The following RNF135 variants were observed in gnomAD, a reference collection of about 807,000 sequenced individuals.
RNF135 encodes the protein ring finger protein 135, also known as E3 ubiquitin-protein ligase RNF135.
Under a neutral mutation model 41.9 loss-of-function variants are expected in RNF135, and 46 were observed. That is an observed-to-expected ratio of 1.10 (90% CI 0.87 to 1.40). RNF135 has a LOEUF of 1.40. RNF135 is among the 40% of genes most tolerant of loss of function. The probability of loss-of-function intolerance (pLI) is 0.00; values close to 1 mark genes in which losing one functional copy is unlikely to be tolerated. For missense variants in RNF135, 539 were observed against 549.8 expected (o/e 0.98, Z 0.20); for synonymous variants, 238 against 223.8 (o/e 1.06, Z -0.57).
At chr17:30,971,493 C>A in intron 1 of RNF135, 48 bp downstream of exon 1, 1 of 1,441,480 alleles carries the variant, frequency 6.9e-7, no homozygotes, top group Non-Finnish European at 9.0e-7. Flanking sequence ...GGGCTGCCCG[C>A]CGCCTGACCC....
At chr17:30,997,771 G>A (rs1223659488) in intron 4 of RNF135, among the ~76,000 whole-genome samples, 1 of 152,148 alleles carries the variant, frequency 6.6e-6, no homozygotes, top group Non-Finnish European at 1.5e-5. Context: ...GTGATCTTGG[G>A]CAAGTCACTT....
intron 3 of RNF135, among the ~76,000 whole-genome samples, chr17:30,994,499 G>A (rs1346957999): frequency 6.6e-6 from 1 of 151,992 alleles, no homozygotes. Context: ...GCAGTGAGCC[G>A]AAATCAGGCC....
At chr17:30,997,188 TC>T in intron 3 of RNF135, 53 bp from the exon 4 acceptor site, 1 of 1,374,978 alleles carries the variant, frequency 7.3e-7, no homozygotes, top group Non-Finnish European at 1.0e-6. Flanking sequence ...TTGGAGACCT[TC>T]AGTTTGCCTT....
rs1478168961 is a variant in RNF135 at position 30,998,779 on chromosome 17, G to A, written c.887G>A (p.Arg296Lys). 1.2e-6 allele frequency: 2 copies of A among 1,613,172 alleles called. No homozygotes were observed. The highest frequency in any genetic ancestry group is 1.7e-6 in the Non-Finnish European group (2 of 1,179,726). ...RPQPYRWSCERFSTSQVLCSQ... is the reference protein window; with the variant it reads ...RPQPYRWSCEKFSTSQVLCSQ... Reference sequence around the variant, plus strand: ...CAACCCTATCGCTGGAGCTGTGAGAGGTTTTCTACCAGCCAGGTCTTATGT... The same window carrying A: ...CAACCCTATCGCTGGAGCTGTGAGAAGTTTTCTACCAGCCAGGTCTTATGT... The change falls in exon 5 of 5, where the codon AGG (arginine) becomes AAG (lysine). Residue 296 changes from arginine to lysine, a missense_variant. Physicochemically the swap from Arg to Lys is conservative, Grantham distance 26. This residue lies in a region of RNF135 where 262 missense variants were observed against 336.9 expected (regional missense o/e 0.78). Coordinates refer to ENST00000328381, the MANE Select transcript of RNF135 (RefSeq NM_032322.4).
chr17:30,988,075 C>T lies in RNF135; in HGVS notation c.648C>T (p.Thr216=). The T allele has an allele frequency of 6.2e-7, 1 of 1,614,020 alleles. No individual in the cohort carries two copies. The highest frequency in any genetic ancestry group is 2.2e-5 in the East Asian group (1 of 44,888). The change falls in exon 3 of 5, where the codon ACC becomes ACT. Residue 216 remains threonine (T), a synonymous_variant. Transcript: ENST00000328381. ...AGGAAAAATTACAAGAAAGCGTCAC[C>T]TGGAAAGAGGCTCCTGAAGCACAAA... ...EIQEKLQESV[T]WKEAPEAQMQ... is the part of the protein sequence containing the mutation.
intron 2 of RNF135, among the ~76,000 whole-genome samples, chr17:30,987,391 C>G (rs546525827): frequency 8.3e-4 from 127 of 152,212 alleles, no homozygotes; most frequent in Non-Finnish European, 1.5e-3. Flanking sequence ...GCCATCATGC[C>G]TGGCTAATTT....
At chr17:30,982,327 T>A (rs1907211913) in intron 1 of RNF135, among the ~76,000 whole-genome samples, 1 of 152,228 alleles carries the variant, frequency 6.6e-6, no homozygotes, top group Non-Finnish European at 1.5e-5. Flanking sequence ...CCTCTCTGGC[T>A]AGGACTGATC....
chr17:30,971,026 A>G (rs1477163768), upstream of RNF135: 1 of 1,531,616 alleles, frequency 6.5e-7, no homozygotes, highest in South Asian at 1.2e-5. Flanking sequence ...GCCTGAGGAG[A>G]CTCGCCCGGC....
At chr17:30,985,118 A>G (rs1296083845) in intron 2 of RNF135, among the ~76,000 whole-genome samples, 1 of 152,118 alleles carries the variant, frequency 6.6e-6, no homozygotes, top group African/African-American at 2.4e-5. Context: ...TGGGACAGGA[A>G]TCTTTTGGCT....
intron 2 of RNF135, among the ~76,000 whole-genome samples, chr17:30,987,100 C>G (rs547733829): frequency 1.3e-5 from 2 of 152,178 alleles, no homozygotes; most frequent in East Asian, 3.9e-4. Flanking sequence ...TGGGGAAGAA[C>G]AGGACCTGAG....
the RNF135 span, among the ~76,000 whole-genome samples, chr17:30,964,301 A>G: frequency 6.7e-6 from 1 of 148,398 alleles, no homozygotes; most frequent in East Asian, 2.0e-4. Flanking sequence ...AGGCAGGAGA[A>G]TCGCTTGAAC....
At chr17:30,965,961 T>C in the RNF135 span, among the ~76,000 whole-genome samples, 488 of 152,360 alleles carry the variant, frequency 3.2e-3, 2 homozygotes, top group African/African-American at 0.011. Context: ...ATGTTATCTA[T>C]AGGAGCAATT....
intron 1 of RNF135, chr17:30,975,970 A>C (rs532812853): frequency 1.4e-5 from 6 of 430,424 alleles, no homozygotes; most frequent in African/African-American, 1.1e-4. Flanking sequence ...TAAATACAAA[A>C]AGTCACATGT....
At chr17:30,978,786 A>C (rs1221025491) in intron 1 of RNF135, 1 of 120,594 alleles carries the variant, frequency 8.3e-6, no homozygotes, top group African/African-American at 3.3e-5. Context: ...CTGGGTACTT[A>C]AGATTAGGGA....
At position 30,979,476 on chromosome 17, in the gene RNF135, C is replaced by T. The variant is rs867389587; in HGVS notation, c.373-5141C>T. 1.1e-4 allele frequency among the ~76,000 whole-genome samples: 10 copies of T among 90,974 alleles called. 1 individual carries two copies. In the East Asian group the frequency reaches 3.0e-3, roughly 27 times the overall value. The allele number at this position is 90,974 out of a possible 152,430, so 59.7% of individuals were successfully genotyped here. ...CCCCTCACCTCCCGGACGGGGCGGC[C>T]GGCCGGAAGGGGGGCTGACCCCCCC... On this transcript the variant is annotated intron_variant, in intron 1 of 4. Transcript: ENST00000328381.
intron 1 of RNF135, chr17:30,979,269 G>T (rs1355713259): frequency 7.3e-6 from 1 of 136,900 alleles, no homozygotes; most frequent in Non-Finnish European, 1.6e-5. Flanking sequence ...CGGACGGGGC[G>T]GCTGGCCAGG....
chr17:30,960,904 T>TA, the RNF135 span, among the ~76,000 whole-genome samples: 1 of 151,832 alleles, frequency 6.6e-6, no homozygotes, highest in Admixed American at 6.6e-5. Context: ...TATGCCTGGC[T>TA]AATTTTTTGT....
Position 30,999,558 on chromosome 17 carries a change from A to G in RNF135, c.*367A>G, listed in dbSNP as rs912808319. The G allele has an allele frequency of 7.4e-6, 2 of 270,180 alleles. No homozygotes were observed. Among genetic ancestry groups the G allele is most frequent in the Non-Finnish European group, 1.5e-5 (2 of 136,770 alleles). 16.7% of individuals were successfully genotyped at this position (270,180 alleles called of 1,614,324 possible). ...AAGCCATTAGAATATCTTGCCTGAT[A>G]AGAGTGTTTTTGTTTACCTGTGGGC... is the stretch of plus-strand genomic sequence containing the variant. On this transcript the variant is annotated 3_prime_UTR_variant, in exon 5 of 5. Coordinates refer to ENST00000328381, the MANE Select transcript of RNF135 (RefSeq NM_032322.4).
chr17:30,965,651 G>C, the RNF135 span, among the ~76,000 whole-genome samples: 1 of 152,184 alleles, frequency 6.6e-6, no homozygotes, highest in East Asian at 1.9e-4. Flanking sequence ...AGGCAAAACA[G>C]TAAAGAAAGA....
Sources: allele counts gnomAD v4.1 joint callset (sites outside exome capture counted in the v4.1 genomes callset), GRCh38; gene constraint gnomAD v4.1.1; regional missense constraint gnomAD v4.1.1; transcripts MANE v1.5; gene names NCBI Gene and HGNC (gene_info 2026-07-23, HGNC 2026-07-21).